The following CHRM3 variants were observed in gnomAD, a reference collection of about 807,000 sequenced individuals.
CHRM3 encodes the protein muscarinic acetylcholine receptor M3.
Under a neutral mutation model 41.8 loss-of-function variants are expected in CHRM3, and 11 were observed. The ratio of observed to expected loss-of-function variants is 0.26; its 90% CI spans 0.17 to 0.44. The LOEUF (loss-of-function observed/expected upper bound fraction) is 0.44. CHRM3 is among the 20% of genes least tolerant of loss of function. CHRM3 has a pLI of 1.00. For synonymous variants in CHRM3, 297 were observed against 301.4 expected (o/e 0.99, Z 0.15); for missense variants, 571 against 745.4 (o/e 0.77, Z 2.72).
intron 6 of CHRM3, among the ~76,000 whole-genome samples, chr1:239,832,598 G>A (rs952780522): frequency 3.9e-5 from 6 of 151,976 alleles, no homozygotes; most frequent in Admixed American, 2.6e-4. Flanking sequence ...CAAAGCAAAA[G>A]TAAATTTAGT....
chr1:239,407,227 C>T lies in CHRM3; in HGVS notation c.-521+20000C>T, dbSNP rs115004341. 2.9e-3 allele frequency among the ~76,000 whole-genome samples: 446 copies of T among 152,142 alleles called. 2 individuals carry two copies. The highest frequency in any genetic ancestry group is 0.01 in the African/African-American group (428 of 41,526). ...CCTCAAATGCCATCCGATCAGGCTG[C>T]GTTTTGTGATCACTTCCTCTAAGTG... On this transcript the variant is annotated intron_variant, in intron 1 of 6. Transcript: ENST00000676153.
At chr1:239,593,808 C>A (rs554649770) in intron 3 of CHRM3, among the ~76,000 whole-genome samples, 1 of 152,198 alleles carries the variant, frequency 6.6e-6, no homozygotes, top group African/African-American at 2.4e-5. Flanking sequence ...CACCTATAAC[C>A]CTTACTCAAA....
At chr1:239,697,588 A>G (rs767488986) in intron 5 of CHRM3, among the ~76,000 whole-genome samples, 1 of 152,212 alleles carries the variant, frequency 6.6e-6, no homozygotes, top group African/African-American at 2.4e-5. Context: ...TTGAGTGCAG[A>G]GAAACCAGTC....
chr1:239,448,645 A>G (rs755075891), intron 1 of CHRM3, among the ~76,000 whole-genome samples: 1 of 152,202 alleles, frequency 6.6e-6, no homozygotes, highest in Non-Finnish European at 1.5e-5. Context: ...TCTTATAAAC[A>G]TTTAAAATGA....
chr1:239,736,746 G>A (rs16838848), intron 5 of CHRM3, among the ~76,000 whole-genome samples: 5,730 of 152,172 alleles, frequency 0.038, 171 homozygotes, highest in African/African-American at 0.068. Context: ...CATTGCACTG[G>A]CAGCATTGTG....
chr1:239,446,429 A>G (rs1049137480), intron 1 of CHRM3, among the ~76,000 whole-genome samples: 17 of 152,234 alleles, frequency 1.1e-4, no homozygotes, highest in African/African-American at 4.1e-4. Flanking sequence ...TTAATCTGCT[A>G]AGAAATCAGT....
intron 2 of CHRM3, among the ~76,000 whole-genome samples, chr1:239,506,675 AG>A (rs1284238517): frequency 2.0e-5 from 3 of 152,154 alleles, no homozygotes; most frequent in African/African-American, 7.2e-5. Context: ...AGCTGTGAGA[AG>A]GGGGCCATCG....
intron 5 of CHRM3, among the ~76,000 whole-genome samples, chr1:239,724,204 T>G (rs557867662): frequency 6.6e-6 from 1 of 151,904 alleles, no homozygotes; most frequent in East Asian, 2.0e-4. Flanking sequence ...CTTATAAACC[T>G]CCCAGATTTA....
At chr1:239,689,252 T>C (rs1163684832) in intron 5 of CHRM3, among the ~76,000 whole-genome samples, 2 of 151,998 alleles carry the variant, frequency 1.3e-5, no homozygotes, top group Non-Finnish European at 2.9e-5. Context: ...TAGGATGAGA[T>C]TTTTCTCAGT....
chr1:239,709,746 G>A (rs1661573216), intron 5 of CHRM3, among the ~76,000 whole-genome samples: 1 of 152,154 alleles, frequency 6.6e-6, no homozygotes, highest in South Asian at 2.1e-4. Flanking sequence ...TTTATTTTAA[G>A]TTGGGACGTT....
At chr1:239,700,702 A>G (rs1341041334) in intron 5 of CHRM3, among the ~76,000 whole-genome samples, 1 of 151,970 alleles carries the variant, frequency 6.6e-6, no homozygotes, top group Non-Finnish European at 1.5e-5. Context: ...TTGGTCCTTG[A>G]GTGTTTGGGA....
chr1:239,641,137 T>G (rs1176117308), intron 4 of CHRM3, among the ~76,000 whole-genome samples: 1 of 152,198 alleles, frequency 6.6e-6, no homozygotes, highest in African/African-American at 2.4e-5. Flanking sequence ...AGACAGTTTG[T>G]TATAATTTCT....
chr1:239,887,359 G>C (rs1212278523), intron 6 of CHRM3, among the ~76,000 whole-genome samples: 3 of 152,066 alleles, frequency 2.0e-5, no homozygotes, highest in African/African-American at 7.2e-5. Context: ...CCGCCACCAT[G>C]CATGGATAAT....
chr1:239,871,575 A>T (rs902167088), intron 6 of CHRM3, among the ~76,000 whole-genome samples: 1 of 152,172 alleles, frequency 6.6e-6, no homozygotes, highest in African/African-American at 2.4e-5. Context: ...TACAGTTTCA[A>T]TGGAAATAAG....
At chr1:239,474,688 A>G (rs1335470501) in intron 1 of CHRM3, among the ~76,000 whole-genome samples, 1 of 152,158 alleles carries the variant, frequency 6.6e-6, no homozygotes, top group East Asian at 1.9e-4. Context: ...AACTTGATTC[A>G]AACTAATTTA....
At chr1:239,815,757 G>A (rs72758782) in intron 5 of CHRM3, among the ~76,000 whole-genome samples, 1,709 of 152,278 alleles carry the variant, frequency 0.011, 18 homozygotes, top group Middle Eastern at 0.037. Flanking sequence ...GGCTGAAGGC[G>A]TTCTCATATT....
chr1:239,569,005 T>C (rs535738280), intron 3 of CHRM3, among the ~76,000 whole-genome samples: 105 of 152,040 alleles, frequency 6.9e-4, no homozygotes, highest in African/African-American at 2.5e-3. Context: ...TTTTCCCACT[T>C]TCTGCCCTTA....
chr1:239,753,602 G>T (rs1666009008), intron 5 of CHRM3, among the ~76,000 whole-genome samples: 1 of 152,100 alleles, frequency 6.6e-6, no homozygotes. Flanking sequence ...CCTCCCACCA[G>T]GTCCCTTCCC....
At chr1:239,781,181 G>A (rs544395488) in intron 5 of CHRM3, among the ~76,000 whole-genome samples, 1 of 152,142 alleles carries the variant, frequency 6.6e-6, no homozygotes, top group South Asian at 2.1e-4. Flanking sequence ...ATTGAATCTA[G>A]AAATCAAATG....
Sources: allele counts gnomAD v4.1 joint callset (sites outside exome capture counted in the v4.1 genomes callset), GRCh38; gene constraint gnomAD v4.1.1; transcripts MANE v1.5; gene names NCBI Gene and HGNC (gene_info 2026-07-23, HGNC 2026-07-21).